Variants in IL1RAPL1 observed in about 807,000 individuals in gnomAD.
IL1RAPL1 encodes interleukin 1 receptor accessory protein like 1.
In IL1RAPL1, 3 loss-of-function variants were observed where a neutral mutation model predicts 48.4. The observed-to-expected ratio is 0.06, with a 90% CI of 0.03 to 0.16. The LOEUF is 0.16. IL1RAPL1 is among the 10% of genes least tolerant of loss of function. The pLI, the probability that IL1RAPL1 is intolerant of heterozygous loss-of-function variation, is 1.00. For synonymous variants in IL1RAPL1, 185 were observed against 187.7 expected, an observed-to-expected ratio of 0.99 and a Z score of 0.12; for missense variants, 349 against 530.6, an observed-to-expected ratio of 0.66 and a Z score of 3.36.
At chrX:29,596,305 G>A (rs538930142) in intron 5 of IL1RAPL1, among the ~76,000 whole-genome samples, 19 of 111,973 alleles carry the variant, frequency 1.7e-4, no homozygotes, top group South Asian at 7.4e-4. Flanking sequence ...CATTGAATTT[G>A]TAGTTTGCTT....
chrX:28,836,771 C>T (rs770252499), intron 2 of IL1RAPL1, among the ~76,000 whole-genome samples: 1 of 109,496 alleles, frequency 9.1e-6, no homozygotes, highest in Non-Finnish European at 1.9e-5. Context: ...ATCATCATCA[C>T]CACCACCACC....
At chrX:29,128,417 G>A (rs1490634516) in intron 2 of IL1RAPL1, among the ~76,000 whole-genome samples, 1 of 111,297 alleles carries the variant, frequency 9.0e-6, no homozygotes, top group Non-Finnish European at 1.9e-5. Flanking sequence ...ATTCTCTCTT[G>A]CTTTAGGGTC....
intron 5 of IL1RAPL1, among the ~76,000 whole-genome samples, chrX:29,533,793 G>A (rs753320735): frequency 2.7e-5 from 3 of 111,578 alleles, no homozygotes; most frequent in Non-Finnish European, 5.6e-5. Flanking sequence ...ACTCTATTGG[G>A]TGTAAATTGA....
At chrX:29,029,733 A>G (rs1027061389) in intron 2 of IL1RAPL1, among the ~76,000 whole-genome samples, 2 of 111,917 alleles carry the variant, frequency 1.8e-5, no homozygotes, top group African/African-American at 3.2e-5. Flanking sequence ...CAGAACAAAA[A>G]GGTTTGATTA....
At chrX:28,761,466 C>T (rs1936170896) in intron 1 of IL1RAPL1, among the ~76,000 whole-genome samples, 1 of 111,871 alleles carries the variant, frequency 8.9e-6, no homozygotes, top group Non-Finnish European at 1.9e-5. Flanking sequence ...TAGAGGCCAT[C>T]ATCCTAAGTG....
intron 2 of IL1RAPL1, among the ~76,000 whole-genome samples, chrX:28,874,486 A>G (rs1922314747): frequency 8.9e-6 from 1 of 112,341 alleles, no homozygotes; most frequent in Non-Finnish European, 1.9e-5. Flanking sequence ...ATGATAAAGA[A>G]ACATTCAATC....
At chrX:28,954,007 A>G (rs1441641069) in intron 2 of IL1RAPL1, among the ~76,000 whole-genome samples, 1 of 111,479 alleles carries the variant, frequency 9.0e-6, no homozygotes, top group Non-Finnish European at 1.9e-5. Flanking sequence ...TGATACTTTT[A>G]AAAATGTACT....
chrX:28,966,874 G>A (rs187412857), intron 2 of IL1RAPL1, among the ~76,000 whole-genome samples: 8 of 111,660 alleles, frequency 7.2e-5, no homozygotes, highest in South Asian at 3.8e-4. Context: ...CACCACAAAG[G>A]AAACCATTGT....
At chrX:28,695,138 A>G (rs1311946679) in intron 1 of IL1RAPL1, among the ~76,000 whole-genome samples, 1 of 111,648 alleles carries the variant, frequency 9.0e-6, no homozygotes, top group African/African-American at 3.3e-5. Flanking sequence ...TCATTTGACA[A>G]ACAGATGATA....
chrX:28,895,357 G>T (rs1048598678), intron 2 of IL1RAPL1, among the ~76,000 whole-genome samples: 1 of 109,305 alleles, frequency 9.1e-6, no homozygotes, highest in Non-Finnish European at 1.9e-5. Flanking sequence ...CTGTGGGATG[G>T]GATATTGGCA....
intron 6 of IL1RAPL1, among the ~76,000 whole-genome samples, chrX:29,691,772 A>AAAAAAAAAAAAAAAAAAAAAG (rs34962805): frequency 2.2e-5 from 2 of 90,135 alleles, no homozygotes; most frequent in East Asian, 3.8e-4. Flanking sequence ...AAAAAAAAAA[A>AAAAAAAAAAAAAAAAAAAAAG]CTCACTATAC....
chrX:29,366,553 A>ATTTTTT (rs34164964), intron 3 of IL1RAPL1, among the ~76,000 whole-genome samples: 19 of 37,261 alleles, frequency 5.1e-4, no homozygotes, highest in East Asian at 1.1e-3. Context: ...TGATAGGTCA[A>ATTTTTT]TTTTTTTTTT....
At chrX:28,975,628 C>G (rs1033096598) in intron 2 of IL1RAPL1, among the ~76,000 whole-genome samples, 14 of 112,277 alleles carry the variant, frequency 1.2e-4, no homozygotes, top group African/African-American at 4.5e-4. Context: ...TATGAAGTCT[C>G]TTCTCCTAAC....
At chrX:29,581,178 A>G (rs867615857) in intron 5 of IL1RAPL1, among the ~76,000 whole-genome samples, 5 of 112,731 alleles carry the variant, frequency 4.4e-5, no homozygotes, top group African/African-American at 1.6e-4. Context: ...CTGGCACGAT[A>G]CACACTTAAA....
chrX:29,665,555 C>T (rs1429896662), intron 5 of IL1RAPL1, among the ~76,000 whole-genome samples: 1 of 112,066 alleles, frequency 8.9e-6, no homozygotes, highest in African/African-American at 3.2e-5. Context: ...ATGGAAAATT[C>T]AGCTCATATT....
intron 2 of IL1RAPL1, among the ~76,000 whole-genome samples, chrX:29,026,741 C>T (rs1423003775): frequency 9.0e-6 from 1 of 111,176 alleles, no homozygotes. Flanking sequence ...CAAAATGCAT[C>T]CTTAATTTTT....
At chrX:29,607,240 C>A (rs953448624) in intron 5 of IL1RAPL1, among the ~76,000 whole-genome samples, 12 of 111,280 alleles carry the variant, frequency 1.1e-4, no homozygotes, top group African/African-American at 3.9e-4. Flanking sequence ...CCAAATAAAC[C>A]AGTGCTACCA....
chrX:29,041,754 A>C (rs1926851146), intron 2 of IL1RAPL1, among the ~76,000 whole-genome samples: 1 of 112,141 alleles, frequency 8.9e-6, no homozygotes, highest in African/African-American at 3.2e-5. Context: ...GTTCAGCCAA[A>C]AAGATGACAG....
intron 5 of IL1RAPL1, among the ~76,000 whole-genome samples, chrX:29,530,184 T>C (rs766459519): frequency 1.8e-5 from 2 of 111,988 alleles, no homozygotes; most frequent in South Asian, 7.4e-4. Flanking sequence ...AAAATAATTT[T>C]ATAATATAAA....
Sources: allele counts gnomAD v4.1 joint callset (sites outside exome capture counted in the v4.1 genomes callset), GRCh38; gene constraint gnomAD v4.1.1; transcripts MANE v1.5; gene names NCBI Gene and HGNC (gene_info 2026-07-23, HGNC 2026-07-21).